The following CTTNBP2 variants were observed in gnomAD, a reference collection of about 807,000 sequenced individuals.
The protein encoded by CTTNBP2 is cortactin-binding protein 2.
In CTTNBP2, 108 loss-of-function variants were observed where a neutral mutation model predicts 156.9. That is an observed-to-expected ratio of 0.69 (90% CI 0.59 to 0.81). The LOEUF is 0.81. CTTNBP2 is among the 30% of genes least tolerant of loss of function. CTTNBP2 has a pLI of 0.00. For missense variants in CTTNBP2, 1,924 were observed against 2,035.4 expected (o/e 0.95, Z 1.05); for synonymous variants, 767 against 751.8 (o/e 1.02, Z -0.33).
Position 117,728,279 on chromosome 7 carries a change from G to A in CTTNBP2, c.3877-12C>T. ...GCCTGACCTTTGAACTAGAGAGACAGGGAGGTGGAACCCAGGGGCTTGGTT... is the reference window on the plus strand; with the variant it reads ...GCCTGACCTTTGAACTAGAGAGACAAGGAGGTGGAACCCAGGGGCTTGGTT... On this transcript the variant is annotated splice_polypyrimidine_tract_variant and intron_variant, in intron 16 of 22. Transcript: ENST00000160373. 1 of 1,593,858 alleles carries A rather than the reference G, an allele frequency of 6.3e-7. No individual in the cohort carries two copies.
intron 2 of CTTNBP2, among the ~76,000 whole-genome samples, chr7:117,819,802 A>G (rs1800846321): frequency 6.6e-6 from 1 of 152,212 alleles, no homozygotes; most frequent in Admixed American, 6.5e-5. Context: ...CATAGACATC[A>G]TAATCTGGAG....
intron 8 of CTTNBP2, among the ~76,000 whole-genome samples, chr7:117,776,086 C>T (rs529370518): frequency 2.0e-5 from 3 of 152,182 alleles, no homozygotes; most frequent in East Asian, 1.9e-4. Context: ...ATGAACAAAT[C>T]GTAGCCCTTA....
At chr7:117,726,737 A>G (rs1037782259) in intron 17 of CTTNBP2, among the ~76,000 whole-genome samples, 4 of 152,006 alleles carry the variant, frequency 2.6e-5, no homozygotes, top group African/African-American at 4.8e-5. Context: ...GGAAGGGGGG[A>G]GTTCCACAGC....
chr7:117,824,379 T>C (rs531922642), intron 2 of CTTNBP2, among the ~76,000 whole-genome samples: 1 of 152,208 alleles, frequency 6.6e-6, no homozygotes, highest in Non-Finnish European at 1.5e-5. Flanking sequence ...CTGGTGGATC[T>C]CCATTCTGTA....
chr7:117,866,784 C>G (rs1275084906), intron 1 of CTTNBP2, among the ~76,000 whole-genome samples: 1 of 152,118 alleles, frequency 6.6e-6, no homozygotes, highest in East Asian at 1.9e-4. Context: ...TCATTTAGGT[C>G]ATTTCCTGAG....
chr7:117,713,826 TAA>T (rs1794189353), intron 22 of CTTNBP2: 1 of 152,230 alleles, frequency 6.6e-6, no homozygotes, highest in African/African-American at 2.4e-5. Context: ...AATGTAACTC[TAA>T]TATATACTTG....
chr7:117,748,551 G>A (rs1000629334), intron 12 of CTTNBP2, among the ~76,000 whole-genome samples: 9 of 152,100 alleles, frequency 5.9e-5, no homozygotes, highest in Admixed American at 1.3e-4. Flanking sequence ...TGCACAACAC[G>A]CAAAATATTC....
At chr7:117,846,220 G>T (rs13239073) in intron 2 of CTTNBP2, among the ~76,000 whole-genome samples, 40,394 of 151,066 alleles carry the variant, frequency 0.27, 5,550 homozygotes, top group African/African-American at 0.3. Context: ...GAATATAGAA[G>T]AATAATAAGG....
At chr7:117,806,237 A>G (rs1799934318) in intron 3 of CTTNBP2, among the ~76,000 whole-genome samples, 1 of 152,190 alleles carries the variant, frequency 6.6e-6, no homozygotes, top group Non-Finnish European at 1.5e-5. Context: ...CCAAACTGGA[A>G]GCTATGAATG....
Position 117,719,631 on chromosome 7 carries a change from A to G in CTTNBP2, c.4517T>C (p.Leu1506Ser), listed in dbSNP as rs1198425436. The change falls in exon 21 of 23, where the codon TTA becomes TCA. Residue 1506 changes from leucine (L) to serine (S), a missense_variant. Physicochemically the swap from Leu to Ser is moderately radical, Grantham distance 145 (BLOSUM62 -2). Transcript: ENST00000160373. The stretch of plus-strand genomic sequence containing the variant: ...CAACGTCAGTGATAGATCATTCTCT[A>G]AAGACCTAACACAAAGTTCAGAAAA... ...RNASLSKQKSLENDLSLTLNL... is the reference protein window; with the variant it reads ...RNASLSKQKSSENDLSLTLNL... 1 of 1,612,162 alleles carries G rather than the reference A, an allele frequency of 6.2e-7. No homozygotes were observed.
intron 2 of CTTNBP2, among the ~76,000 whole-genome samples, chr7:117,841,439 C>T (rs1802273429): frequency 6.6e-6 from 1 of 151,988 alleles, no homozygotes; most frequent in African/African-American, 2.4e-5. Flanking sequence ...CTTTCATCTC[C>T]ATCCTTTCAC....
intron 14 of CTTNBP2, among the ~76,000 whole-genome samples, chr7:117,742,947 T>C (rs1036464139): frequency 1.3e-5 from 2 of 152,208 alleles, no homozygotes; most frequent in African/African-American, 2.4e-5. Flanking sequence ...GCATGCCCCA[T>C]TCTCCCTGCA....
intron 16 of CTTNBP2, among the ~76,000 whole-genome samples, chr7:117,730,323 C>T (rs1795334436): frequency 6.6e-6 from 1 of 152,172 alleles, no homozygotes; most frequent in Non-Finnish European, 1.5e-5. Flanking sequence ...AGTACTCTTC[C>T]CAACTTCCGC....
At chr7:117,724,524 A>C in intron 19 of CTTNBP2, 23 bp downstream of exon 19, 1 of 1,574,428 alleles carries the variant, frequency 6.4e-7, no homozygotes, top group East Asian at 2.3e-5. Context: ...CTGGTAGGCA[A>C]CATGCCTACC....
At chr7:117,760,994 T>TA (rs907440101) in intron 9 of CTTNBP2, among the ~76,000 whole-genome samples, 69 of 148,832 alleles carry the variant, frequency 4.6e-4, no homozygotes, top group Non-Finnish European at 5.8e-4. Context: ...TGTCAAGTTT[T>TA]AAAAAAAAAA....
rs144841287 is a variant in CTTNBP2 at position 117,738,834 on chromosome 7, G to T, written c.3536-3413C>A. Among the ~76,000 whole-genome samples the T allele has an allele frequency of 2.2e-3, 328 of 152,268 alleles. 1 individual carries two copies. Among genetic ancestry groups the T allele is most frequent in the African/African-American group, 7.4e-3 (309 of 41,542 alleles). On this transcript the variant is annotated intron_variant, in intron 14 of 22. Coordinates refer to ENST00000160373, the MANE Select transcript of CTTNBP2 (RefSeq NM_033427.3). ...TAAATGAGTTTTCAGGCATGCTGGGGTCTCTTGGAAAGAGGCAATATGCTC... is the reference window on the plus strand; with the variant it reads ...TAAATGAGTTTTCAGGCATGCTGGGTTCTCTTGGAAAGAGGCAATATGCTC...
chr7:117,802,456 AAC>A (rs1563022548), intron 3 of CTTNBP2, among the ~76,000 whole-genome samples: 1 of 143,472 alleles, frequency 7.0e-6, no homozygotes, highest in Non-Finnish European at 1.5e-5. Context: ...AAAAAAAAAA[AAC>A]AAAAACAAAC....
intron 9 of CTTNBP2, among the ~76,000 whole-genome samples, chr7:117,765,625 C>A (rs1022075943): frequency 2.6e-5 from 4 of 152,172 alleles, no homozygotes; most frequent in Non-Finnish European, 5.9e-5. Flanking sequence ...GTCTTTATTT[C>A]ATAAAGTCCT....
intron 2 of CTTNBP2, among the ~76,000 whole-genome samples, chr7:117,844,100 A>T (rs931290757): frequency 2.0e-5 from 3 of 152,092 alleles, no homozygotes; most frequent in Non-Finnish European, 4.4e-5. Flanking sequence ...GAAAGATACT[A>T]CAACATGCTA....
Sources: gnomAD v4.1 joint callset for allele counts (sites outside exome capture counted in the v4.1 genomes callset) on GRCh38, gnomAD v4.1.1 for gene constraint, MANE v1.5 for transcripts, NCBI Gene and HGNC (gene_info 2026-07-23, HGNC 2026-07-21) for gene names.